Variants in RTN4 observed in about 807,000 individuals in gnomAD.
RTN4 encodes reticulon-4.
A neutral mutation model predicts 90.4 loss-of-function variants in RTN4; 32 were observed. That is an observed-to-expected ratio of 0.35 (90% confidence interval 0.27 to 0.48). The LOEUF (loss-of-function observed/expected upper bound fraction) is 0.48. Among genes scored for constraint, RTN4 ranks in the 20% least tolerant of loss-of-function variants. The probability of loss-of-function intolerance (pLI) is 0.99; values close to 1 mark genes in which losing one functional copy is unlikely to be tolerated. For missense variants in RTN4, 1,706 were observed against 1,430.2 expected, an observed-to-expected ratio of 1.19 and a Z score of -3.11; for synonymous variants, 629 against 552.5, an observed-to-expected ratio of 1.14 and a Z score of -1.94.
At chr2:55,113,072 C>T (rs538940697), upstream of RTN4, among the ~76,000 whole-genome samples, 1 of 152,220 alleles carries the variant, frequency 6.6e-6, no homozygotes, top group Admixed American at 6.5e-5. Flanking sequence ...GATTCCAGGG[C>T]CCCAAAAACC....
intron 1 of RTN4, among the ~76,000 whole-genome samples, chr2:55,082,422 C>G (rs972950795): frequency 2.6e-5 from 4 of 152,196 alleles, no homozygotes; most frequent in Non-Finnish European, 4.4e-5. Context: ...AACCAAACTA[C>G]CACACTCCCA....
chr2:55,113,478 T>C (rs1558885349), upstream of RTN4, among the ~76,000 whole-genome samples: 2 of 152,194 alleles, frequency 1.3e-5, no homozygotes. Flanking sequence ...GGAAAGCTTC[T>C]GTCTGTCTCT....
At chr2:55,040,984 T>C (rs1002042755) in intron 1 of RTN4, among the ~76,000 whole-genome samples, 16 of 130,580 alleles carry the variant, frequency 1.2e-4, no homozygotes, top group Non-Finnish European at 2.1e-4. Context: ...GGGCCACCTA[T>C]GTAAAGAGAC....
chr2:54,997,972 T>G (rs933643874), intron 3 of RTN4, among the ~76,000 whole-genome samples: 1 of 152,178 alleles, frequency 6.6e-6, no homozygotes, highest in African/African-American at 2.4e-5. Context: ...GGGCATACGC[T>G]AGGGGTCTTA....
rs566360434 is a variant in RTN4, at chr2:55,078,740, G to A, written c.-63+1749C>T. 2.2e-4 allele frequency among the ~76,000 whole-genome samples: 34 copies of A among 152,252 alleles called. No individual in the cohort carries two copies. The South Asian group carries it at 5.2e-3, about 23-fold the overall frequency. ...TAAATGTGTTACGTGCTTTAAAAGC[G>A]GGGAGAAATTGCTTCTGATTGGGAT... On this transcript the variant is annotated intron_variant, in intron 2 of 3. Coordinates refer to the RTN4 transcript ENST00000427710.
intron 1 of RTN4, among the ~76,000 whole-genome samples, chr2:55,086,478 T>A (rs148670955): frequency 1.5e-5 from 2 of 136,074 alleles, no homozygotes; most frequent in African/African-American, 2.8e-5. Context: ...CTGGGCAACA[T>A]AGCCTGATCT....
intron 3 of RTN4, among the ~76,000 whole-genome samples, chr2:54,990,482 T>A (rs1308016596): frequency 6.6e-6 from 1 of 151,998 alleles, no homozygotes; most frequent in East Asian, 1.9e-4. Context: ...AAGCACTTAA[T>A]AGAGTACATA....
intron 2 of RTN4, among the ~76,000 whole-genome samples, chr2:55,070,067 A>G (rs926000899): frequency 6.6e-6 from 1 of 152,210 alleles, no homozygotes; most frequent in Non-Finnish European, 1.5e-5. Context: ...TAACATGCCA[A>G]GCACCATTAA....
chr2:55,033,057 A>G (rs546072806), intron 1 of RTN4, among the ~76,000 whole-genome samples: 319 of 151,744 alleles, frequency 2.1e-3, no homozygotes, highest in African/African-American at 7.2e-3. Context: ...AGTTAAAAAA[A>G]AAAAAAAAGA....
intron 2 of RTN4, among the ~76,000 whole-genome samples, chr2:55,058,771 T>C (rs1395237729): frequency 6.6e-6 from 1 of 152,250 alleles, no homozygotes; most frequent in Non-Finnish European, 1.5e-5. Flanking sequence ...AGTCAAGATT[T>C]ATTTCAGTCA....
Position 55,010,270 on chromosome 2 carries a change from A to G in RTN4, c.3013+14816T>C, listed in dbSNP as rs898325440. The G allele has an allele frequency of 1.1e-5, 17 of 1,493,124 alleles. No individual in the cohort carries two copies. In the African/African-American group the frequency reaches 2.4e-4, roughly 21 times the overall value. The allele number at this position is 1,493,124 out of a possible 1,614,324, so 92.5% of individuals were successfully genotyped here. A position where few individuals can be genotyped will look rare whatever the true frequency, so the allele number is the denominator to read the frequency against. On this transcript the variant is annotated intron_variant, in intron 3 of 8. Transcript: ENST00000337526. ...TCCTCTGCTGCACAACTGCAGCAGG[A>G]CTGAAGTCACCTGACGTCTTCTGGG...
chr2:55,098,186 C>T (rs1558879172), intron 1 of RTN4, among the ~76,000 whole-genome samples: 1 of 152,022 alleles, frequency 6.6e-6, no homozygotes, highest in Non-Finnish European at 1.5e-5. Context: ...GAAGTATGTC[C>T]GGATTTCCAG....
intron 1 of RTN4, among the ~76,000 whole-genome samples, chr2:55,047,997 T>C (rs1271721114): frequency 1.3e-5 from 2 of 152,248 alleles, no homozygotes; most frequent in East Asian, 1.9e-4. Flanking sequence ...AACCTCACAG[T>C]ATACTTACAG....
At chr2:55,107,725 C>T (rs1193841174) in intron 1 of RTN4, among the ~76,000 whole-genome samples, 1 of 152,082 alleles carries the variant, frequency 6.6e-6, no homozygotes, top group East Asian at 1.9e-4. Flanking sequence ...TATCTATGAA[C>T]ATCAGGAATG....
At chr2:55,053,504 T>C (rs1050797923), upstream of RTN4, among the ~76,000 whole-genome samples, 3 of 151,944 alleles carry the variant, frequency 2.0e-5, no homozygotes, top group South Asian at 2.1e-4. Flanking sequence ...CTGGCCAACA[T>C]GGTGAAACCC....
At chr2:55,078,777 G>A (rs141952240) in intron 2 of RTN4, among the ~76,000 whole-genome samples, 2 of 152,262 alleles carry the variant, frequency 1.3e-5, no homozygotes, top group South Asian at 2.1e-4. Context: ...ATGGAAAGAC[G>A]GAGAATGTGA....
At chr2:55,032,688 G>C (rs1682403709) in intron 1 of RTN4, among the ~76,000 whole-genome samples, 1 of 152,106 alleles carries the variant, frequency 6.6e-6, no homozygotes, top group Non-Finnish European at 1.5e-5. Flanking sequence ...TCAGTGCTGA[G>C]AGACAATCAA....
Position 55,050,084 on chromosome 2 carries a change from C to A in RTN4, c.217G>T (p.Ala73Ser). 2 of 1,459,958 alleles carry A rather than the reference C, an allele frequency of 1.4e-6. No homozygotes were observed. Among genetic ancestry groups the A allele is most frequent in the South Asian group, 1.3e-5 (1 of 74,380 alleles). The allele number at this position is 1,459,958 out of a possible 1,614,324, so 90.4% of individuals were successfully genotyped here. A position where few individuals can be genotyped will look rare whatever the true frequency, so the allele number is the denominator to read the frequency against. Residue 73 changes from alanine (A) to serine (S), a missense_variant, in exon 1 of 9, where the codon GCC (alanine) becomes TCC (serine). By Grantham distance (99) the Ala-to-Ser change is moderately conservative. Transcript: ENST00000337526. This position sits in a 1 kb window ranked among gnomAD's most constrained non-coding sequence, Gnocchi z 4.6. ...AAGTCCATCAGGGGCGCGCCGGCGG[C>A]AGGGGCGGTGGGCACTGGGGCCGCG... ...LSAAPVPTAPAAGAPLMDFGN... is the reference protein window; with the variant it reads ...LSAAPVPTAPSAGAPLMDFGN...
chr2:55,114,621 C>T (rs1417839385), upstream of RTN4, among the ~76,000 whole-genome samples: 1 of 152,160 alleles, frequency 6.6e-6, no homozygotes, highest in Non-Finnish European at 1.5e-5. Context: ...ATTGCTTGAA[C>T]CCAGGAGGTG....
Sources: gnomAD v4.1 joint callset for allele counts (sites outside exome capture counted in the v4.1 genomes callset) on GRCh38, gnomAD v4.1.1 for gene constraint, Gnocchi (gnomAD v3.1) non-coding constraint, MANE v1.5 for transcripts, NCBI Gene and HGNC (gene_info 2026-07-23, HGNC 2026-07-21) for gene names.